The following NRXN3 variants were observed in gnomAD, a reference collection of about 807,000 sequenced individuals.
The protein encoded by NRXN3 is neurexin III.
Under a neutral mutation model 137.6 loss-of-function variants are expected in NRXN3, and 32 were observed. The ratio of observed to expected loss-of-function variants is 0.23; its 90% confidence interval spans 0.18 to 0.31. NRXN3 has a LOEUF of 0.31. Ranked by LOEUF, NRXN3 falls within the 10% of genes least tolerant of loss-of-function variation. The pLI, the probability that NRXN3 is intolerant of heterozygous loss-of-function variation, is 1.00. For synonymous variants in NRXN3, 798 were observed against 784.5 expected (o/e 1.02, Z -0.29); for missense variants, 1,574 against 2,062.5 (o/e 0.76, Z 4.59).
intron 16 of NRXN3, among the ~76,000 whole-genome samples, chr14:79,621,753 A>G (rs1248827488): frequency 5.9e-5 from 9 of 152,348 alleles, no homozygotes; most frequent in Admixed American, 1.3e-4. Context: ...ATTAGGAAAA[A>G]CAAATAAATT....
chr14:79,081,702 G>A (rs1355574111), intron 15 of NRXN3, among the ~76,000 whole-genome samples: 4 of 151,810 alleles, frequency 2.6e-5, no homozygotes, highest in Admixed American at 6.6e-5. Context: ...ATTACTATAC[G>A]GTACAAAAAT....
intron 8 of NRXN3, among the ~76,000 whole-genome samples, chr14:78,732,844 G>A (rs746477597): frequency 1.3e-5 from 2 of 152,158 alleles, no homozygotes; most frequent in Non-Finnish European, 2.9e-5. Context: ...GGCCAGAAAA[G>A]GTTAGTGGGA....
chr14:79,181,834 G>T (rs1209515060), intron 15 of NRXN3, among the ~76,000 whole-genome samples: 2 of 151,912 alleles, frequency 1.3e-5, no homozygotes, highest in African/African-American at 4.8e-5. Flanking sequence ...TTTAAGGAGA[G>T]ATCCTATATT....
At chr14:78,754,232 G>A (rs950864759) in intron 8 of NRXN3, among the ~76,000 whole-genome samples, 1 of 152,128 alleles carries the variant, frequency 6.6e-6, no homozygotes, top group Non-Finnish European at 1.5e-5. Flanking sequence ...CCACCACACT[G>A]GAGCTGACTC....
At chr14:78,984,360 A>G (rs984191938) in intron 14 of NRXN3, among the ~76,000 whole-genome samples, 2 of 152,198 alleles carry the variant, frequency 1.3e-5, no homozygotes, top group Admixed American at 1.3e-4. Flanking sequence ...CTTTCAATTT[A>G]AAAGAAATTA....
At chr14:78,628,638 A>G (rs780961066) in intron 4 of NRXN3, among the ~76,000 whole-genome samples, 8 of 152,214 alleles carry the variant, frequency 5.3e-5, no homozygotes, top group Non-Finnish European at 1.2e-4. Flanking sequence ...GTTGGGTACA[A>G]AGAGGAATTG....
intron 16 of NRXN3, among the ~76,000 whole-genome samples, chr14:79,477,493 A>C (rs2096570409): frequency 1.3e-5 from 2 of 152,130 alleles, no homozygotes; most frequent in East Asian, 1.9e-4. Context: ...TATCTGGTAC[A>C]TAGTGGATGT....
At chr14:79,328,311 GC>G (rs2091204359) in intron 15 of NRXN3, among the ~76,000 whole-genome samples, 1 of 152,160 alleles carries the variant, frequency 6.6e-6, no homozygotes, top group Non-Finnish European at 1.5e-5. Flanking sequence ...AGGAGGAGGA[GC>G]TAAAGTTTTG....
At chr14:78,847,668 A>G (rs1259548373) in intron 10 of NRXN3, among the ~76,000 whole-genome samples, 1 of 152,072 alleles carries the variant, frequency 6.6e-6, no homozygotes, top group East Asian at 1.9e-4. Context: ...GATTCATTTT[A>G]CAGTGGGAAA....
Position 78,500,702 on chromosome 14 carries a change from G to A in NRXN3, c.758-144418G>A, listed in dbSNP as rs140344279. Among the ~76,000 whole-genome samples, 16 of 152,220 alleles carry A rather than the reference G, an allele frequency of 1.1e-4. No homozygotes were observed. The East Asian group carries it at 2.1e-3, about 20-fold the overall frequency. The stretch of plus-strand genomic sequence containing the variant: ...GAAGACAGCTGGATGGTTGCATGGC[G>A]GTAGAGGTGTCAGGAAAAGCTCCCT... On this transcript the variant is annotated intron_variant, in intron 4 of 20. Coordinates refer to ENST00000335750, the MANE Select transcript of NRXN3 (RefSeq NM_001330195.2).
At chr14:78,631,008 G>A (rs1224881620) in intron 4 of NRXN3, among the ~76,000 whole-genome samples, 1 of 152,156 alleles carries the variant, frequency 6.6e-6, no homozygotes, top group East Asian at 1.9e-4. Context: ...TTTTTTGATA[G>A]TAAGTTTTTA....
At chr14:78,820,121 C>A (rs1414597546) in intron 10 of NRXN3, among the ~76,000 whole-genome samples, 1 of 151,736 alleles carries the variant, frequency 6.6e-6, no homozygotes, top group Non-Finnish European at 1.5e-5. Flanking sequence ...ATTTGGTAAG[C>A]TAATATTATT....
At chr14:79,476,502 T>G (rs1332044410) in intron 16 of NRXN3, among the ~76,000 whole-genome samples, 3 of 152,120 alleles carry the variant, frequency 2.0e-5, no homozygotes, top group Non-Finnish European at 4.4e-5. Flanking sequence ...AAGGCTCATA[T>G]TCTATTTTTG....
intron 4 of NRXN3, among the ~76,000 whole-genome samples, chr14:78,419,487 G>T (rs2093327925): frequency 6.6e-6 from 1 of 152,130 alleles, no homozygotes; most frequent in Non-Finnish European, 1.5e-5. Flanking sequence ...TTACAGGCAT[G>T]AGCCACCATG....
intron 20 of NRXN3, among the ~76,000 whole-genome samples, chr14:79,827,536 C>G (rs190220926): frequency 6.6e-6 from 1 of 151,936 alleles, no homozygotes; most frequent in Non-Finnish European, 1.5e-5. Flanking sequence ...AAAGAAAAGA[C>G]GTTTAATTCG....
rs992970295 is a variant in NRXN3 at position 79,863,938 on chromosome 14, C to T, written c.*1974C>T. 1 of 152,402 alleles carries T rather than the reference C, an allele frequency of 6.6e-6. No individual in the cohort carries two copies. The highest frequency in any genetic ancestry group is 2.1e-4 in the South Asian group (1 of 4,824). The allele number at this position is 152,402 out of a possible 1,614,324, so 9.4% of individuals were successfully genotyped here. A position where few individuals can be genotyped will look rare whatever the true frequency, so the allele number is the denominator to read the frequency against. ...CAAAAAGTGCAATCTAAATGGTAGCCTTTACTAATGTGTGTGGAAAGAGGT... is the reference window on the plus strand; with the variant it reads ...CAAAAAGTGCAATCTAAATGGTAGCTTTTACTAATGTGTGTGGAAAGAGGT... On this transcript the variant is annotated 3_prime_UTR_variant, in exon 21 of 21. Transcript: ENST00000335750.
At chr14:79,074,659 C>T (rs2045675525) in intron 15 of NRXN3, 1 of 152,202 alleles carries the variant, frequency 6.6e-6, no homozygotes, top group South Asian at 2.1e-4. Context: ...GGCTGGACGC[C>T]AAGGACAGTA....
Position 78,507,577 on chromosome 14 carries a change from A to G in NRXN3, c.758-137543A>G, listed in dbSNP as rs191881864. Among the ~76,000 whole-genome samples, 285 of 152,278 alleles carry G rather than the reference A, an allele frequency of 1.9e-3. 1 individual carries two copies. Among genetic ancestry groups the G allele is most frequent in the African/African-American group, 6.5e-3 (272 of 41,568 alleles). On this transcript the variant is annotated intron_variant, in intron 4 of 20. Coordinates refer to ENST00000335750, the MANE Select transcript of NRXN3 (RefSeq NM_001330195.2). ...ACCTTTCTAAGGTTGCCAAGCTTAG[A>G]TTTACTATATTTTGTAAAATCACCC... is the stretch of plus-strand genomic sequence containing the variant.
chr14:79,734,888 A>G (rs1034419389), intron 19 of NRXN3, among the ~76,000 whole-genome samples: 14 of 152,282 alleles, frequency 9.2e-5, no homozygotes, highest in Non-Finnish European at 1.5e-5. Flanking sequence ...CCAAATCCCC[A>G]GTGGCTTCTT....
Sources: gnomAD v4.1 joint callset for allele counts (sites outside exome capture counted in the v4.1 genomes callset) on GRCh38, gnomAD v4.1.1 for gene constraint, MANE v1.5 for transcripts, NCBI Gene and HGNC (gene_info 2026-07-23, HGNC 2026-07-21) for gene names.